Variants in RIMS2 observed in about 807,000 individuals in gnomAD.
RIMS2 encodes the protein regulating synaptic membrane exocytosis 2, also known as regulating synaptic membrane exocytosis protein 2.
Under a neutral mutation model 174.4 loss-of-function variants are expected in RIMS2, and 59 were observed. The observed-to-expected ratio is 0.34, with a 90% confidence interval of 0.27 to 0.42. The LOEUF is 0.42. Ranked by LOEUF, RIMS2 falls within the 10% of genes least tolerant of loss-of-function variation. RIMS2 has a pLI of 1.00. For missense variants in RIMS2, 1,620 were observed against 1,666.3 expected (o/e 0.97, Z 0.48); for synonymous variants, 606 against 572.5 (o/e 1.06, Z -0.84).
intron 4 of RIMS2, among the ~76,000 whole-genome samples, chr8:103,888,181 A>C (rs533391937): frequency 4.8e-4 from 73 of 151,644 alleles, no homozygotes; most frequent in Non-Finnish European, 2.4e-4. Context: ...TAAAATATAA[A>C]ATGCACAACA....
In RIMS2 at chr8:103,553,268, T is replaced by TA. The variant is rs548602656; in HGVS notation, c.176+52211dup. Among the ~76,000 whole-genome samples the TA allele has an allele frequency of 4.9e-4, 75 of 152,148 alleles. 1 individual carries two copies. The highest frequency in any genetic ancestry group is 9.4e-4 in the Non-Finnish European group (64 of 67,966). The stretch of plus-strand genomic sequence containing the variant: ...ACATCATGGAATACTGTGCAGCCAT[T>TA]AAAAAGGATGAATTTTTGTCCTTTG... On this transcript the variant is annotated intron_variant, in intron 1 of 23. Transcript: ENST00000504942.
intron 19 of RIMS2, among the ~76,000 whole-genome samples, chr8:104,237,838 A>T (rs1588062228): frequency 6.6e-6 from 1 of 152,128 alleles, no homozygotes; most frequent in Non-Finnish European, 1.5e-5. Flanking sequence ...TATATTTGTG[A>T]TAGTAGCAAG....
chr8:103,553,370 C>G (rs1269913334), intron 1 of RIMS2, among the ~76,000 whole-genome samples: 1 of 152,050 alleles, frequency 6.6e-6, no homozygotes, highest in Non-Finnish European at 1.5e-5. Flanking sequence ...ACTGCATGTT[C>G]TCACTCATAG....
In RIMS2 at chr8:104,202,526, A is replaced by G. The variant is rs1416763965; in HGVS notation, c.3335-42390A>G. ...AGGTAGCTTAAGCAACAGGAATTTA[A>G]TTTTCTCATAGTTCTTGAGGCTGAC... On this transcript the variant is annotated intron_variant, in intron 19 of 23. Coordinates refer to ENST00000504942, the Ensembl canonical transcript of RIMS2. Among the ~76,000 whole-genome samples the G allele has an allele frequency of 2.0e-5, 3 of 152,228 alleles. No individual in the cohort carries two copies. The East Asian group carries it at 5.8e-4, about 29-fold the overall frequency.
intron 11 of RIMS2, among the ~76,000 whole-genome samples, chr8:103,930,694 A>G (rs576915218): frequency 6.6e-6 from 1 of 152,290 alleles, no homozygotes; most frequent in African/African-American, 2.4e-5. Flanking sequence ...CTGAATAAGG[A>G]AAAATTTTAA....
intron 1 of RIMS2, among the ~76,000 whole-genome samples, chr8:103,665,034 C>G (rs780418117): frequency 1.3e-5 from 2 of 152,164 alleles, no homozygotes; most frequent in Non-Finnish European, 2.9e-5. Context: ...GGACAGAAAA[C>G]CAAACATCGC....
chr8:103,882,200 C>T (rs1293625284), intron 3 of RIMS2, among the ~76,000 whole-genome samples: 1 of 151,362 alleles, frequency 6.6e-6, no homozygotes, highest in Non-Finnish European at 1.5e-5. Flanking sequence ...ATAATAAATG[C>T]TAAGGCTTGT....
intron 9 of RIMS2, chr8:103,920,825 T>TAA (rs61400627): frequency 7.7e-4 from 215 of 279,738 alleles, no homozygotes; most frequent in African/African-American, 1.8e-3. Flanking sequence ...CCGTCTCTAC[T>TAA]AAAAAAAAAA....
chr8:104,172,136 G>A (rs910636962), intron 19 of RIMS2, among the ~76,000 whole-genome samples: 7 of 152,162 alleles, frequency 4.6e-5, no homozygotes, highest in Admixed American at 1.3e-4. Flanking sequence ...AGGCCAATAG[G>A]GGAGATATCC....
At chr8:103,514,943 A>C (rs899551830) in intron 1 of RIMS2, among the ~76,000 whole-genome samples, 5 of 151,978 alleles carry the variant, frequency 3.3e-5, no homozygotes, top group South Asian at 2.1e-4. Flanking sequence ...ACAAAAAAAA[A>C]CACACACAAA....
rs375181808 is a variant in RIMS2, at chr8:103,983,956, G to A, written c.2928-5349G>A. On this transcript the variant is annotated intron_variant, in intron 16 of 23. Transcript: ENST00000504942. ...TGGGAGGCCAAGGCGGGCGGATCACGAGGTCAGGAGATCGAGACCATCCTG... is the reference window on the plus strand; with the variant it reads ...TGGGAGGCCAAGGCGGGCGGATCACAAGGTCAGGAGATCGAGACCATCCTG... 2.7e-3 allele frequency among the ~76,000 whole-genome samples: 411 copies of A among 152,110 alleles called. 1 individual carries two copies. Among genetic ancestry groups the A allele is most frequent in the African/African-American group, 9.3e-3 (385 of 41,522 alleles).
chr8:104,120,964 A>ATAAT (rs1354282404), intron 19 of RIMS2, among the ~76,000 whole-genome samples: 4 of 151,924 alleles, frequency 2.6e-5, no homozygotes, highest in African/African-American at 7.3e-5. Context: ...GAGCTAATTA[A>ATAAT]CCTCCTTCTT....
chr8:103,611,278 G>C (rs2095358417), intron 1 of RIMS2, among the ~76,000 whole-genome samples: 1 of 151,982 alleles, frequency 6.6e-6, no homozygotes, highest in Non-Finnish European at 1.5e-5. Context: ...ACTATGTCTT[G>C]ATAGATTATT....
chr8:103,669,244 C>A (rs765316695), intron 1 of RIMS2, among the ~76,000 whole-genome samples: 1 of 152,108 alleles, frequency 6.6e-6, no homozygotes, highest in Non-Finnish European at 1.5e-5. Flanking sequence ...ACCAAGAGAA[C>A]TGTATAGGGA....
intron 19 of RIMS2, among the ~76,000 whole-genome samples, chr8:104,235,600 C>T (rs573617991): frequency 9.1e-4 from 139 of 152,144 alleles, no homozygotes; most frequent in African/African-American, 3.2e-3. Context: ...ACATCCACTA[C>T]ATAGACTGAC....
At chr8:103,560,681 A>G (rs1230839639) in intron 1 of RIMS2, among the ~76,000 whole-genome samples, 1 of 152,234 alleles carries the variant, frequency 6.6e-6, no homozygotes, top group Non-Finnish European at 1.5e-5. Context: ...AGATTGTTAA[A>G]GAACACAAGG....
chr8:104,140,120 T>C (rs983632203), intron 19 of RIMS2, among the ~76,000 whole-genome samples: 1 of 152,198 alleles, frequency 6.6e-6, no homozygotes, highest in Non-Finnish European at 1.5e-5. Flanking sequence ...TCCCACTTGG[T>C]CATGATGAAA....
chr8:104,156,244 G>T (rs539831810), intron 19 of RIMS2, among the ~76,000 whole-genome samples: 4 of 152,222 alleles, frequency 2.6e-5, no homozygotes, highest in Admixed American at 6.5e-5. Flanking sequence ...TTTTCATCTT[G>T]TGGGCTTTCC....
rs572577183 is a variant in RIMS2 at position 103,843,443 on chromosome 8, A to T, written c.699-41855A>T. Among the ~76,000 whole-genome samples, 73 of 152,312 alleles carry T rather than the reference A, an allele frequency of 4.8e-4. No homozygotes were observed. The South Asian group carries it at 0.015, about 31-fold the overall frequency. On this transcript the variant is annotated intron_variant, in intron 3 of 23. Transcript: ENST00000504942. ...TGCCTGTCTGTTCTTGATTTCTTAAATGTAATTTATTTTTCAGCAGACAGT... is the reference window on the plus strand; with the variant it reads ...TGCCTGTCTGTTCTTGATTTCTTAATTGTAATTTATTTTTCAGCAGACAGT...
Sources: allele counts gnomAD v4.1 joint callset (sites outside exome capture counted in the v4.1 genomes callset), GRCh38; gene constraint gnomAD v4.1.1; transcripts MANE v1.5; gene names NCBI Gene and HGNC (gene_info 2026-07-23, HGNC 2026-07-21).